Variants in ARL15 observed in about 807,000 individuals in gnomAD.
ARL15 encodes the protein ADP-ribosylation factor-like protein 15.
In ARL15, 19 loss-of-function variants were observed where a neutral mutation model predicts 25.2. The observed-to-expected ratio is 0.75, with a 90% CI of 0.53 to 1.10. The LOEUF is 1.10. Ranked by LOEUF, ARL15 falls within the 50% of genes least tolerant of loss-of-function variation. The pLI, the probability that ARL15 is intolerant of heterozygous loss-of-function variation, is 0.00. For missense variants in ARL15, 220 were observed against 246.0 expected (o/e 0.89, Z 0.71); for synonymous variants, 94 against 86.8 (o/e 1.08, Z -0.46).
intron 1 of ARL15, among the ~76,000 whole-genome samples, chr5:54,244,900 A>G (rs569668897): frequency 3.9e-5 from 6 of 152,188 alleles, no homozygotes; most frequent in Admixed American, 3.3e-4. Flanking sequence ...TTTAAAATTA[A>G]AAGTATAATT....
intron 1 of ARL15, among the ~76,000 whole-genome samples, chr5:54,258,848 G>A (rs1039903890): frequency 8.5e-5 from 13 of 152,244 alleles, no homozygotes; most frequent in African/African-American, 3.1e-4. Context: ...CTGAGGTGGG[G>A]AAACGGGGGC....
chr5:53,941,694 T>C (rs1234872374), intron 4 of ARL15, among the ~76,000 whole-genome samples: 2 of 152,172 alleles, frequency 1.3e-5, no homozygotes, highest in African/African-American at 2.4e-5. Flanking sequence ...TATTAGATAA[T>C]AGCAGGCAAG....
chr5:54,283,526 T>C (rs1333214641), intron 1 of ARL15, among the ~76,000 whole-genome samples: 1 of 152,154 alleles, frequency 6.6e-6, no homozygotes, highest in Admixed American at 6.5e-5. Flanking sequence ...ATTACTATCA[T>C]GACTGTAACA....
chr5:53,915,137 C>A (rs1745597106), intron 4 of ARL15, among the ~76,000 whole-genome samples: 1 of 152,208 alleles, frequency 6.6e-6, no homozygotes, highest in Non-Finnish European at 1.5e-5. Context: ...TTCAGTCCCT[C>A]CTTCCCTCCC....
At chr5:54,244,447 T>C (rs1350645366) in intron 1 of ARL15, among the ~76,000 whole-genome samples, 1 of 152,160 alleles carries the variant, frequency 6.6e-6, no homozygotes, top group East Asian at 1.9e-4. Flanking sequence ...ACAAAATGAA[T>C]GTATTTTAAT....
rs188697665 is a variant in ARL15 at position 54,035,756 on chromosome 5, T to A, written c.462+77446A>T. On this transcript the variant is annotated intron_variant, in intron 4 of 4. Coordinates refer to ENST00000504924, the MANE Select transcript of ARL15 (RefSeq NM_019087.3). ...AGTCTATTTCCGATACATTTTTTGT[T>A]TTAATAGAGTCATATTTGAACTATG... Among the ~76,000 whole-genome samples, 472 of 152,320 alleles carry A rather than the reference T, an allele frequency of 3.1e-3. 1 individual carries two copies. The highest frequency in any genetic ancestry group is 4.8e-3 in the Non-Finnish European group (326 of 68,028).
chr5:53,926,690 T>C (rs1325081795), intron 4 of ARL15, among the ~76,000 whole-genome samples: 2 of 152,152 alleles, frequency 1.3e-5, no homozygotes, highest in Non-Finnish European at 2.9e-5. Context: ...TATCCAATCT[T>C]ACAGAAATCC....
intron 4 of ARL15, among the ~76,000 whole-genome samples, chr5:53,907,301 T>C (rs1161413158): frequency 6.6e-6 from 1 of 151,398 alleles, no homozygotes; most frequent in African/African-American, 2.4e-5. Context: ...ATCCTACTGA[T>C]ATATGACACA....
chr5:54,045,299 G>C (rs1303710148), intron 4 of ARL15, among the ~76,000 whole-genome samples: 1 of 152,124 alleles, frequency 6.6e-6, no homozygotes, highest in Non-Finnish European at 1.5e-5. Flanking sequence ...TTTAAAAGCT[G>C]GACTAAATCA....
intron 1 of ARL15, among the ~76,000 whole-genome samples, chr5:54,223,246 T>C (rs886658655): frequency 1.3e-5 from 2 of 152,054 alleles, no homozygotes; most frequent in African/African-American, 4.8e-5. Flanking sequence ...TTTATTAAAA[T>C]TTACATCATG....
intron 4 of ARL15, among the ~76,000 whole-genome samples, chr5:54,059,055 T>C (rs1057415234): frequency 1.1e-4 from 16 of 152,336 alleles, no homozygotes; most frequent in African/African-American, 3.8e-4. Context: ...AAAAGCCACC[T>C]TCTCCAAGAA....
intron 4 of ARL15, among the ~76,000 whole-genome samples, chr5:54,066,414 G>GA (rs1303374601): frequency 6.6e-6 from 1 of 152,146 alleles, no homozygotes; most frequent in South Asian, 2.1e-4. Context: ...GTTAACAGCA[G>GA]AAAATGCTTA....
intron 4 of ARL15, among the ~76,000 whole-genome samples, chr5:54,025,645 AGTTATTT>A (rs2111863155): frequency 7.2e-6 from 1 of 138,790 alleles, no homozygotes; most frequent in East Asian, 2.2e-4. Context: ...GCTACTGGCA[AGTTATTT>A]GTTTGTTTGT....
intron 3 of ARL15, among the ~76,000 whole-genome samples, chr5:54,114,255 G>A (rs6893411): frequency 0.23 from 34,180 of 151,202 alleles, 4,318 homozygotes; most frequent in African/African-American, 0.34. Flanking sequence ...AAAATTAGCC[G>A]GGCGTGGCGG....
At chr5:53,889,577 G>T (rs952165562) in intron 4 of ARL15, among the ~76,000 whole-genome samples, 4 of 152,186 alleles carry the variant, frequency 2.6e-5, no homozygotes, top group Non-Finnish European at 5.9e-5. Context: ...ACCTAAGTGG[G>T]TATCTAACAC....
intron 1 of ARL15, among the ~76,000 whole-genome samples, chr5:54,280,044 C>T (rs367870199): frequency 5.9e-5 from 9 of 152,308 alleles, no homozygotes; most frequent in South Asian, 2.1e-4. Flanking sequence ...TTGCCCAGTG[C>T]GAAACTCCAG....
chr5:54,281,163 G>A (rs923454907), intron 1 of ARL15, among the ~76,000 whole-genome samples: 9 of 152,084 alleles, frequency 5.9e-5, no homozygotes, highest in African/African-American at 2.2e-4. Context: ...TTTTGAGACC[G>A]AGTTTCGCTC....
At chr5:54,049,674 C>T (rs965367916) in intron 4 of ARL15, among the ~76,000 whole-genome samples, 4 of 152,082 alleles carry the variant, frequency 2.6e-5, no homozygotes, top group African/African-American at 9.7e-5. Context: ...AATCTCGGCT[C>T]ACTACAACCT....
intron 4 of ARL15, among the ~76,000 whole-genome samples, chr5:54,024,057 T>A (rs1237701826): frequency 6.6e-6 from 1 of 152,250 alleles, no homozygotes; most frequent in Non-Finnish European, 1.5e-5. Flanking sequence ...TTAATCACTC[T>A]GGGATTCTTC....
Sources: gnomAD v4.1 joint callset for allele counts (sites outside exome capture counted in the v4.1 genomes callset) on GRCh38, gnomAD v4.1.1 for gene constraint, MANE v1.5 for transcripts, NCBI Gene and HGNC (gene_info 2026-07-23, HGNC 2026-07-21) for gene names.